FBXL2: variants seen among roughly 807,000 people sequenced by gnomAD.
FBXL2 encodes the protein F-box and leucine rich repeat protein 2, also known as F-box/LRR-repeat protein 2.
A neutral mutation model predicts 69.2 loss-of-function variants in FBXL2; 38 were observed. That is an observed-to-expected ratio of 0.55 (90% CI 0.42 to 0.72). FBXL2 has a LOEUF of 0.72. FBXL2 is among the 30% of genes least tolerant of loss of function. FBXL2 has a pLI of 0.00. For missense variants in FBXL2, 354 were observed against 520.3 expected (o/e 0.68, Z 3.11); for synonymous variants, 192 against 201.3 (o/e 0.95, Z 0.39).
chr3:33,392,683 A>G (rs1038954540), downstream of FBXL2: 90 of 1,420,518 alleles, frequency 6.3e-5, no homozygotes, highest in Admixed American at 1.7e-3. Context: ...TGATTTTAAA[A>G]CAGTAAATAT....
chr3:33,388,190 T>C (rs1235926884), downstream of FBXL2: 3 of 152,140 alleles, frequency 2.0e-5, no homozygotes, highest in African/African-American at 7.2e-5. Context: ...TTGCATCAGC[T>C]TTCAGAAAAT....
In FBXL2 at chr3:33,340,597, AAAG is replaced by A. The variant is rs1279309041; in HGVS notation, c.66-18366_66-18364del. Among the ~76,000 whole-genome samples the A allele has an allele frequency of 5.3e-5, 8 of 150,810 alleles. No individual in the cohort carries two copies. The East Asian group carries it at 1.2e-3, about 22-fold the overall frequency. ...TGATTAAAAAAAAAAAAAAAAAAAA[AAAG>A]AAGGAAGTAGGCTGGGCGCTGTGGC... On this transcript the variant is annotated intron_variant, in intron 2 of 14. Coordinates refer to ENST00000484457, the MANE Select transcript of FBXL2 (RefSeq NM_012157.5).
chr3:33,282,624 A>G (rs1191237769), intron 1 of FBXL2, among the ~76,000 whole-genome samples: 1 of 152,196 alleles, frequency 6.6e-6, no homozygotes, highest in East Asian at 1.9e-4. Flanking sequence ...TTGAATCTGT[A>G]AATTACCTTG....
chr3:33,326,233 G>T (rs1253943374), intron 2 of FBXL2, among the ~76,000 whole-genome samples: 1 of 152,158 alleles, frequency 6.6e-6, no homozygotes, highest in Non-Finnish European at 1.5e-5. Context: ...AGGTGCAGTG[G>T]CTCACGCCTG....
intron 2 of FBXL2, among the ~76,000 whole-genome samples, chr3:33,315,987 C>T (rs182998805): frequency 1.3e-5 from 2 of 151,548 alleles, no homozygotes; most frequent in African/African-American, 4.8e-5. Flanking sequence ...GCTCTCATTT[C>T]CTGACTTTCT....
At chr3:33,403,538 TA>T (rs61545537) in exon 13 of FBXL2, 7 of 146,380 alleles carry the variant, frequency 4.8e-5, no homozygotes, top group Non-Finnish European at 7.5e-5. Flanking sequence ...TCTGTCTATC[TA>T]ATCTATCTGT....
chr3:33,316,911 C>CT (rs1279112962), intron 2 of FBXL2, among the ~76,000 whole-genome samples: 7 of 151,634 alleles, frequency 4.6e-5, no homozygotes, highest in South Asian at 2.1e-4. Flanking sequence ...TTTTCTTCTT[C>CT]TTTTTTTTGA....
intron 5 of FBXL2, among the ~76,000 whole-genome samples, chr3:33,365,079 T>C (rs1181818832): frequency 6.6e-6 from 1 of 152,174 alleles, no homozygotes. Flanking sequence ...TTCCTAGTTT[T>C]CCTCTCATAA....
intron 13 of FBXL2, chr3:33,378,945 A>G (rs1559637133): frequency 3.1e-6 from 3 of 954,170 alleles, no homozygotes. Flanking sequence ...AGATTCCCAA[A>G]AGAGAAATGT....
intron 2 of FBXL2, among the ~76,000 whole-genome samples, chr3:33,335,573 T>A (rs1365831601): frequency 1.3e-5 from 2 of 151,974 alleles, no homozygotes; most frequent in African/African-American, 4.8e-5. Context: ...AGGAAAGGAT[T>A]AGAGGAAAAT....
intron 5 of FBXL2, among the ~76,000 whole-genome samples, chr3:33,368,711 C>T (rs1239428831): frequency 7.2e-5 from 11 of 151,984 alleles, no homozygotes; most frequent in African/African-American, 9.7e-5. Context: ...CTCAGCCTTC[C>T]GAGTAGCTGG....
intron 2 of FBXL2, among the ~76,000 whole-genome samples, chr3:33,305,364 T>C (rs1223882909): frequency 2.0e-5 from 3 of 152,010 alleles, no homozygotes; most frequent in African/African-American, 7.2e-5. Flanking sequence ...GGTTCGTTTG[T>C]TGAATGATCC....
At chr3:33,382,450 CTT>C (rs1182577788) in intron 13 of FBXL2, 2 of 152,130 alleles carry the variant, frequency 1.3e-5, no homozygotes, top group Non-Finnish European at 2.9e-5. Context: ...AGTTTTGCCT[CTT>C]TGTATTTTAT....
At chr3:33,412,334 G>A in the FBXL2 span, among the ~76,000 whole-genome samples, 1 of 151,530 alleles carries the variant, frequency 6.6e-6, no homozygotes, top group Non-Finnish European at 1.5e-5. Flanking sequence ...ATACGAGGAT[G>A]GGAAAAAAAT....
At chr3:33,305,009 T>A (rs1185768714) in intron 2 of FBXL2, among the ~76,000 whole-genome samples, 1 of 152,082 alleles carries the variant, frequency 6.6e-6, no homozygotes, top group East Asian at 1.9e-4. Context: ...TGTAGTTCTT[T>A]ATATTCTCAG....
rs758926889 is a variant in FBXL2 at position 33,373,171 on chromosome 3, A to G, written c.359+11A>G. 2 of 1,613,698 alleles carry G rather than the reference A, an allele frequency of 1.2e-6. No individual in the cohort carries two copies. Among genetic ancestry groups the G allele is most frequent in the Admixed American group, 3.3e-5 (2 of 60,026 alleles). On this transcript the variant is annotated intron_variant, in intron 6 of 14. Coordinates refer to ENST00000484457, the MANE Select transcript of FBXL2 (RefSeq NM_012157.5). ...AAAAATCACTGACAGGTAAGTAATG[A>G]AGATTAATTGGTGACCAAATAGCCA...
At chr3:33,318,409 T>G (rs1446052946) in intron 2 of FBXL2, among the ~76,000 whole-genome samples, 1 of 152,204 alleles carries the variant, frequency 6.6e-6, no homozygotes, top group Non-Finnish European at 1.5e-5. Flanking sequence ...TTGAGTACTC[T>G]TTCTTTTAAT....
At chr3:33,342,708 C>CTTATTTTTTTT (rs1559572672) in intron 2 of FBXL2, among the ~76,000 whole-genome samples, 1 of 74,284 alleles carries the variant, frequency 1.3e-5, no homozygotes. Context: ...ACAAATATAA[C>CTTATTTTTTTT]TTCTTTTTTT....
At chr3:33,354,308 G>A (rs1272099050) in intron 2 of FBXL2, among the ~76,000 whole-genome samples, 1 of 152,052 alleles carries the variant, frequency 6.6e-6, no homozygotes, top group Non-Finnish European at 1.5e-5. Context: ...GAGGTCAGGA[G>A]TTCGAGACCA....
Sources: gnomAD v4.1 joint callset for allele counts (sites outside exome capture counted in the v4.1 genomes callset) on GRCh38, gnomAD v4.1.1 for gene constraint, MANE v1.5 for transcripts, NCBI Gene and HGNC (gene_info 2026-07-23, HGNC 2026-07-21) for gene names.